Variants in ZFHX3 observed in about 807,000 individuals in gnomAD.
The protein encoded by ZFHX3 is zinc finger homeobox 3, also known as zinc finger homeobox protein 3.
Under a neutral mutation model 279.1 loss-of-function variants are expected in ZFHX3, and 42 were observed. The ratio of observed to expected loss-of-function variants is 0.15; its 90% CI spans 0.12 to 0.19. The LOEUF is 0.19. Among genes scored for constraint, ZFHX3 ranks in the 10% least tolerant of loss-of-function variants. ZFHX3 has a pLI of 1.00. For missense variants in ZFHX3, 4,981 were observed against 4,754.0 expected (o/e 1.05, Z -1.40); for synonymous variants, 2,293 against 1,957.8 (o/e 1.17, Z -4.52).
intron 3 of ZFHX3, among the ~76,000 whole-genome samples, chr16:73,373,682 T>C (rs1218658738): frequency 6.6e-6 from 1 of 152,222 alleles, no homozygotes; most frequent in African/African-American, 2.4e-5. Context: ...CGGTACATGA[T>C]AAAAATTATC....
intron 3 of ZFHX3, among the ~76,000 whole-genome samples, chr16:73,372,523 C>A (rs150402511): frequency 1.3e-5 from 2 of 152,280 alleles, no homozygotes; most frequent in East Asian, 3.9e-4. Flanking sequence ...TTTATTTAAA[C>A]TAGAATTTAG....
intron 7 of ZFHX3, among the ~76,000 whole-genome samples, chr16:72,800,924 G>T (rs1419080247): frequency 1.3e-5 from 2 of 152,140 alleles, no homozygotes; most frequent in Non-Finnish European, 2.9e-5. Flanking sequence ...AAATCGCCTG[G>T]ATCCAAACAG....
At chr16:72,960,790 G>A (rs561214377) in intron 1 of ZFHX3, among the ~76,000 whole-genome samples, 26 of 152,226 alleles carry the variant, frequency 1.7e-4, no homozygotes, top group African/African-American at 6.0e-4. Flanking sequence ...CAAAGAAGGC[G>A]GGTGAGGACC....
At chr16:73,482,510 A>G (rs891484008) in intron 2 of ZFHX3, among the ~76,000 whole-genome samples, 2 of 151,904 alleles carry the variant, frequency 1.3e-5, no homozygotes, top group Non-Finnish European at 2.9e-5. Context: ...AGACTCTCCA[A>G]AGCATCTTGC....
At chr16:72,932,690 C>T (rs1426284480) in intron 3 of ZFHX3, among the ~76,000 whole-genome samples, 1 of 150,606 alleles carries the variant, frequency 6.6e-6, no homozygotes, top group African/African-American at 2.4e-5. Flanking sequence ...CTGACCTTTC[C>T]ATTCTCCAAA....
chr16:72,975,431 ACT>A (rs1289409881), intron 1 of ZFHX3, among the ~76,000 whole-genome samples: 48 of 152,184 alleles, frequency 3.2e-4, no homozygotes, highest in Non-Finnish European at 2.9e-5. Context: ...ACAGAGTGAG[ACT>A]CTGTCTCAAA....
intron 1 of ZFHX3, among the ~76,000 whole-genome samples, chr16:73,854,726 A>C (rs12716872): frequency 8.3e-5 from 3 of 35,972 alleles, no homozygotes; most frequent in African/African-American, 2.1e-4. Flanking sequence ...CCCACCTTCC[A>C]CAAAAAAAAA....
chr16:73,390,751 A>G (rs6564150), intron 3 of ZFHX3, among the ~76,000 whole-genome samples: 123,803 of 151,834 alleles, frequency 0.82, 50,712 homozygotes, highest in Non-Finnish European at 0.84. Context: ...TTCTTTCATC[A>G]ATGAAAGGAG....
At chr16:73,878,398 T>C (rs115496501) in intron 1 of ZFHX3, among the ~76,000 whole-genome samples, 154 of 152,258 alleles carry the variant, frequency 1.0e-3, no homozygotes, top group Middle Eastern at 3.4e-3. Context: ...GAAGAACCTA[T>C]TGTATCTGAA....
intron 3 of ZFHX3, among the ~76,000 whole-genome samples, chr16:73,407,893 G>A (rs560610441): frequency 2.9e-4 from 44 of 152,234 alleles, no homozygotes; most frequent in Admixed American, 9.2e-4. Flanking sequence ...ATGGCAAAAT[G>A]CTGGCTTTTA....
At chr16:73,317,302 G>A (rs529728825) in intron 4 of ZFHX3, among the ~76,000 whole-genome samples, 1 of 151,836 alleles carries the variant, frequency 6.6e-6, no homozygotes, top group Non-Finnish European at 1.5e-5. Flanking sequence ...GGCGGTGGTG[G>A]TGGTTATGGT....
intron 7 of ZFHX3, among the ~76,000 whole-genome samples, chr16:73,122,420 T>G (rs965199567): frequency 6.6e-6 from 1 of 152,070 alleles, no homozygotes; most frequent in African/African-American, 2.4e-5. Context: ...TTGGCCAGGC[T>G]GGTCTCGAAA....
At chr16:72,862,456 C>T (rs2037911547) in intron 4 of ZFHX3, among the ~76,000 whole-genome samples, 1 of 152,192 alleles carries the variant, frequency 6.6e-6, no homozygotes, top group Admixed American at 6.5e-5. Flanking sequence ...GGAAAGCTTT[C>T]CCTTGATAAG....
intron 1 of ZFHX3, among the ~76,000 whole-genome samples, chr16:73,696,368 T>A (rs1275914025): frequency 6.6e-6 from 1 of 152,212 alleles, no homozygotes; most frequent in Non-Finnish European, 1.5e-5. Context: ...AAGAGGTGGA[T>A]ATAAGAGTCA....
At chr16:73,252,107 T>C (rs544504750) in intron 5 of ZFHX3, among the ~76,000 whole-genome samples, 6 of 152,260 alleles carry the variant, frequency 3.9e-5, no homozygotes, top group African/African-American at 1.4e-4. Context: ...AGAAAAAATA[T>C]GGCAGTTTAG....
At chr16:73,031,014 G>T (rs998819607) in intron 1 of ZFHX3, among the ~76,000 whole-genome samples, 1 of 152,122 alleles carries the variant, frequency 6.6e-6, no homozygotes, top group Admixed American at 6.5e-5. Context: ...CCATTCTACT[G>T]CAGCCAGAAT....
At chr16:72,884,774 T>A (rs1228629153) in intron 4 of ZFHX3, among the ~76,000 whole-genome samples, 1 of 152,168 alleles carries the variant, frequency 6.6e-6, no homozygotes, top group Admixed American at 6.5e-5. Context: ...GGGAAGCTGA[T>A]CCTACACATG....
At chr16:73,720,661 T>C (rs1174443741) in intron 1 of ZFHX3, among the ~76,000 whole-genome samples, 1 of 152,202 alleles carries the variant, frequency 6.6e-6, no homozygotes. Flanking sequence ...CTGCTACTTA[T>C]AACCACTAGA....
intron 1 of ZFHX3, among the ~76,000 whole-genome samples, chr16:73,797,692 G>C (rs946305604): frequency 5.3e-5 from 8 of 151,964 alleles, no homozygotes; most frequent in African/African-American, 1.4e-4. Flanking sequence ...AAGTCAGGAA[G>C]CTTGCACTCT....
Sources: gnomAD v4.1 joint callset for allele counts (sites outside exome capture counted in the v4.1 genomes callset) on GRCh38, gnomAD v4.1.1 for gene constraint, MANE v1.5 for transcripts, NCBI Gene and HGNC (gene_info 2026-07-23, HGNC 2026-07-21) for gene names.